Variants in RFX7 observed in about 807,000 individuals in gnomAD.
RFX7 encodes the protein DNA-binding protein RFX7.
Under a neutral mutation model 111.8 loss-of-function variants are expected in RFX7, and 26 were observed. The ratio of observed to expected loss-of-function variants is 0.23; its 90% CI spans 0.17 to 0.32. The LOEUF (loss-of-function observed/expected upper bound fraction) is 0.32. Ranked by LOEUF, RFX7 falls within the 10% of genes least tolerant of loss-of-function variation. The pLI is 1.00. For synonymous variants in RFX7, 624 were observed against 624.4 expected (o/e 1.00, Z 0.01); for missense variants, 1,573 against 1,772.9 (o/e 0.89, Z 2.02).
intron 2 of RFX7, among the ~76,000 whole-genome samples, chr15:56,230,659 G>GCA (rs2043543567): frequency 1.3e-5 from 2 of 152,168 alleles, no homozygotes; most frequent in Admixed American, 1.3e-4. Flanking sequence ...TATTAGAACA[G>GCA]CACTGGAAAA....
At chr15:56,109,094 G>C (rs1000155514) in intron 5 of RFX7, among the ~76,000 whole-genome samples, 55 of 152,116 alleles carry the variant, frequency 3.6e-4, no homozygotes, top group African/African-American at 1.2e-3. Context: ...CTCTGATGCC[G>C]AGCCGAAGCT....
intron 2 of RFX7, among the ~76,000 whole-genome samples, chr15:56,213,620 T>C (rs1192450240): frequency 1.3e-5 from 2 of 152,172 alleles, no homozygotes; most frequent in Admixed American, 1.3e-4. Flanking sequence ...GTATCAATGT[T>C]TTGGTTGTGA....
intron 5 of RFX7, among the ~76,000 whole-genome samples, chr15:56,112,648 G>C (rs937343932): frequency 6.6e-6 from 1 of 152,100 alleles, no homozygotes; most frequent in Admixed American, 6.5e-5. Flanking sequence ...AGCTAAAACT[G>C]ACAACTGGGA....
Position 56,094,458 on chromosome 15 carries a change from C to T in RFX7, c.3270G>A (p.Val1090=). Residue 1090 remains valine, a synonymous_variant, in exon 10 of 10, where the codon GTG becomes GTA. Transcript: ENST00000559447. ...HGILPSYQEL[V]EDRFRKPHAF... is the part of the protein sequence containing the mutation. The stretch of plus-strand genomic sequence containing the variant: ...CATGAGGTTTCCTGAAACGGTCTTC[C>T]ACTAGTTCCTGATAGCTTGGGAGAA... The T allele has an allele frequency of 1.2e-6, 2 of 1,613,902 alleles. No individual in the cohort carries two copies. The highest frequency in any genetic ancestry group is 1.7e-6 in the Non-Finnish European group (2 of 1,179,870).
At chr15:56,240,261 A>C (rs2043674087) in intron 2 of RFX7, among the ~76,000 whole-genome samples, 1 of 152,054 alleles carries the variant, frequency 6.6e-6, no homozygotes, top group South Asian at 2.1e-4. Context: ...TTGTCTATGG[A>C]GTAAGAATGA....
intron 5 of RFX7, among the ~76,000 whole-genome samples, chr15:56,135,385 A>G (rs1329383965): frequency 2.0e-5 from 3 of 152,096 alleles, no homozygotes; most frequent in Non-Finnish European, 4.4e-5. Flanking sequence ...GCATTTCTTC[A>G]TGTGTTTTTT....
intron 5 of RFX7, among the ~76,000 whole-genome samples, chr15:56,113,754 T>G (rs1435443082): frequency 6.6e-6 from 1 of 152,082 alleles, no homozygotes; most frequent in Non-Finnish European, 1.5e-5. Context: ...TAAAAATAAT[T>G]AAGAATTATC....
chr15:56,152,403 C>A (rs568743604), intron 3 of RFX7, among the ~76,000 whole-genome samples: 5 of 151,856 alleles, frequency 3.3e-5, no homozygotes, highest in Non-Finnish European at 7.4e-5. Flanking sequence ...AGAAACTTAC[C>A]CCAATCCGTA....
rs775868280 is a variant in RFX7 at position 56,094,046 on chromosome 15, A to G, written c.3682T>C (p.Leu1228=). The G allele has an allele frequency of 2.2e-5, 36 of 1,613,858 alleles. No individual in the cohort carries two copies. Among genetic ancestry groups the G allele is most frequent in the Non-Finnish European group, 3.0e-5 (35 of 1,179,862 alleles). The part of the protein sequence containing the change: ...NIAQRSQSVP[L]TVMMQTAFPN... Reference sequence around the variant, plus strand: ...AAGGCTGTCTGCATCATGACTGTCAATGGAACTGATTGGCTTCTTTGAGCT... The same window carrying G: ...AAGGCTGTCTGCATCATGACTGTCAGTGGAACTGATTGGCTTCTTTGAGCT... The change falls in exon 10 of 10, where the codon TTG becomes CTG. Residue 1228 remains leucine, a synonymous_variant. Transcript: ENST00000559447.
At chr15:56,150,343 G>C (rs1245423746) in intron 3 of RFX7, among the ~76,000 whole-genome samples, 9 of 152,218 alleles carry the variant, frequency 5.9e-5, no homozygotes, top group African/African-American at 1.9e-4. Context: ...GTGGGTCCCT[G>C]ACCCCTGTGT....
chr15:56,242,756 G>A (rs78536030), intron 2 of RFX7, among the ~76,000 whole-genome samples: 31 of 152,156 alleles, frequency 2.0e-4, no homozygotes, highest in African/African-American at 7.5e-4. Flanking sequence ...CTCCTTCTAT[G>A]GCTGCAAAAA....
chr15:56,097,765 A>AAAAAAAAAAAAAAAAAC (rs2041700789), intron 9 of RFX7, among the ~76,000 whole-genome samples: 1 of 147,536 alleles, frequency 6.8e-6, no homozygotes, highest in African/African-American at 2.5e-5. Context: ...AAAAAAAAAA[A>AAAAAAAAAAAAAAAAAC]AAAAAATCTT....
At chr15:56,102,321 G>A in intron 6 of RFX7, 68 bp from the exon 7 acceptor site, 1 of 873,752 alleles carries the variant, frequency 1.1e-6, no homozygotes, top group Non-Finnish European at 1.8e-6. Flanking sequence ...CACTTTAAAA[G>A]TAACCATATA....
At chr15:56,179,603 AG>A (rs1567038458) in intron 2 of RFX7, among the ~76,000 whole-genome samples, 4 of 152,162 alleles carry the variant, frequency 2.6e-5, no homozygotes, top group Non-Finnish European at 4.4e-5. Context: ...TATACTTACA[AG>A]TATGGCCCAG....
At chr15:56,158,387 T>C (rs1281306154) in intron 3 of RFX7, among the ~76,000 whole-genome samples, 1 of 152,238 alleles carries the variant, frequency 6.6e-6, no homozygotes, top group Non-Finnish European at 1.5e-5. Flanking sequence ...TTTAAAAATA[T>C]GTTATTGCTT....
chr15:56,113,659 TA>T (rs2041968838), intron 5 of RFX7, among the ~76,000 whole-genome samples: 1 of 114,642 alleles, frequency 8.7e-6, no homozygotes, highest in African/African-American at 3.1e-5. Context: ...GAATGTAGAG[TA>T]AAATAAAATT....
At chr15:56,169,697 GTTCTT>G (rs1316471123) in intron 3 of RFX7, among the ~76,000 whole-genome samples, 2 of 115,656 alleles carry the variant, frequency 1.7e-5, no homozygotes, top group East Asian at 2.6e-4. Context: ...ATGCTAGTCA[GTTCTT>G]TTTTTTTTTT....
At chr15:56,230,930 TA>T (rs1240747719) in intron 2 of RFX7, among the ~76,000 whole-genome samples, 4 of 152,134 alleles carry the variant, frequency 2.6e-5, no homozygotes, top group African/African-American at 9.7e-5. Flanking sequence ...CCAACTCTAC[TA>T]AAAATACAAA....
intron 3 of RFX7, among the ~76,000 whole-genome samples, chr15:56,151,634 T>C (rs1278266003): frequency 6.6e-6 from 1 of 152,128 alleles, no homozygotes; most frequent in Non-Finnish European, 1.5e-5. Context: ...ATCGACACTA[T>C]TAAGAAACTG....
Sources: allele counts gnomAD v4.1 joint callset (sites outside exome capture counted in the v4.1 genomes callset), GRCh38; gene constraint gnomAD v4.1.1; transcripts MANE v1.5; gene names NCBI Gene and HGNC (gene_info 2026-07-23, HGNC 2026-07-21).